ARF4: variants seen among roughly 807,000 people sequenced by gnomAD.
The protein encoded by ARF4 is ARF GTPase 4, also known as ADP-ribosylation factor 4.
A neutral mutation model predicts 24.3 loss-of-function variants in ARF4; 5 were observed. That is an observed-to-expected ratio of 0.21 (90% confidence interval 0.11 to 0.43). The LOEUF (loss-of-function observed/expected upper bound fraction) is 0.43. Ranked by LOEUF, ARF4 falls within the 20% of genes least tolerant of loss-of-function variation. ARF4 has a pLI of 1.00. For synonymous variants in ARF4, 62 were observed against 73.5 expected, an observed-to-expected ratio of 0.84 and a Z score of 0.80; for missense variants, 107 against 213.0, an observed-to-expected ratio of 0.50 and a Z score of 3.10.
At chr3:57,585,578 C>G (rs1418593749) in intron 1 of ARF4, among the ~76,000 whole-genome samples, 1 of 151,934 alleles carries the variant, frequency 6.6e-6, no homozygotes, top group East Asian at 1.9e-4. Context: ...AACAAACCTG[C>G]ACATTGTGCA....
In ARF4 at chr3:57,575,648, G is replaced by A; in HGVS notation, c.356C>T (p.Ala119Val). The A allele has an allele frequency of 6.2e-7, 1 of 1,611,552 alleles. No individual in the cohort carries two copies. The highest frequency in any genetic ancestry group is 8.5e-7 in the Non-Finnish European group (1 of 1,179,204). Residue 119 changes from alanine to valine, a missense_variant, in exon 5 of 6, where the codon GCA becomes GTA. Transcript: ENST00000303436. ...TTTGTTTGCAAAAAGTAGCAGCACT[G>A]CATCTCTCAATTCATCTACCAGAAG... ...KMLLVDELRD[A>V]VLLLFANKQD...
intron 3 of ARF4, among the ~76,000 whole-genome samples, chr3:57,582,204 C>G (rs1393081983): frequency 6.6e-6 from 1 of 151,822 alleles, no homozygotes; most frequent in Non-Finnish European, 1.5e-5. Context: ...TATCAAGTAT[C>G]TTTTCTAGTC....
intron 1 of ARF4, among the ~76,000 whole-genome samples, chr3:57,591,060 G>T (rs922777836): frequency 1.3e-5 from 2 of 152,104 alleles, no homozygotes; most frequent in Admixed American, 6.6e-5. Flanking sequence ...CACAGAAACA[G>T]AAGAACAGAT....
At chr3:57,577,526 T>C (rs538805607) in intron 3 of ARF4, 139 bp from the exon 4 acceptor site, 8 of 651,346 alleles carry the variant, frequency 1.2e-5, no homozygotes, top group Non-Finnish European at 2.1e-5. Context: ...AAGGCTGTAA[T>C]GCTAAAAGCT....
intron 3 of ARF4, among the ~76,000 whole-genome samples, chr3:57,580,910 G>C (rs982097149): frequency 1.3e-5 from 2 of 151,910 alleles, no homozygotes; most frequent in Non-Finnish European, 2.9e-5. Flanking sequence ...ACTGCACCCA[G>C]CCTTTGTTTT....
intron 3 of ARF4, among the ~76,000 whole-genome samples, chr3:57,581,630 G>A (rs1417234698): frequency 6.6e-6 from 1 of 152,110 alleles, no homozygotes; most frequent in Non-Finnish European, 1.5e-5. Flanking sequence ...GTGAAACCCC[G>A]TCTCTACTAA....
chr3:57,583,405 GA>G (rs1227507451), intron 3 of ARF4, among the ~76,000 whole-genome samples: 1 of 152,026 alleles, frequency 6.6e-6, no homozygotes, highest in Non-Finnish European at 1.5e-5. Flanking sequence ...TGTTCTACAG[GA>G]TCACTAAAGT....
At chr3:57,574,894 G>A (rs749144050) in intron 5 of ARF4, among the ~76,000 whole-genome samples, 4 of 148,352 alleles carry the variant, frequency 2.7e-5, no homozygotes, top group Admixed American at 6.7e-5. Flanking sequence ...TGTTGCCCAG[G>A]CTGGAGTGCA....
intron 3 of ARF4, among the ~76,000 whole-genome samples, chr3:57,582,018 C>T (rs1045338653): frequency 4.6e-5 from 7 of 152,130 alleles, no homozygotes; most frequent in African/African-American, 7.2e-5. Context: ...TGGAGTATAT[C>T]GGATTTTGGA....
intron 1 of ARF4, among the ~76,000 whole-genome samples, chr3:57,586,929 G>A (rs975845546): frequency 3.9e-5 from 6 of 151,906 alleles, no homozygotes; most frequent in South Asian, 2.1e-4. Context: ...AAACTGAGAC[G>A]CTGATTAAGA....
intron 1 of ARF4, among the ~76,000 whole-genome samples, chr3:57,585,036 G>T (rs984785606): frequency 6.6e-6 from 1 of 151,980 alleles, no homozygotes; most frequent in Non-Finnish European, 1.5e-5. Flanking sequence ...GCTAATTTTT[G>T]TATTTTTAGT....
intron 5 of ARF4, among the ~76,000 whole-genome samples, chr3:57,573,045 A>C (rs2153408273): frequency 6.6e-6 from 1 of 151,920 alleles, no homozygotes; most frequent in South Asian, 2.1e-4. Context: ...TACTAAAAAT[A>C]CAAAAAATTA....
rs775902550 is a variant in ARF4, at chr3:57,594,128, C to T, written c.67+2946G>A. On this transcript the variant is annotated intron_variant, in intron 1 of 5. Transcript: ENST00000303436. Reference sequence around the variant, plus strand: ...AACATTAGCTGGGCTTGGTGGCGGGCGCTTGTAATCCCAGCTACTGAGGAG... The same window carrying T: ...AACATTAGCTGGGCTTGGTGGCGGGTGCTTGTAATCCCAGCTACTGAGGAG... 2.6e-5 allele frequency among the ~76,000 whole-genome samples: 4 copies of T among 151,854 alleles called. No homozygotes were observed. In the South Asian group the frequency reaches 6.2e-4, roughly 24 times the overall value.
At chr3:57,591,658 G>T (rs909227697) in intron 1 of ARF4, among the ~76,000 whole-genome samples, 7 of 151,936 alleles carry the variant, frequency 4.6e-5, no homozygotes, top group Admixed American at 4.6e-4. Context: ...GTATAGATGG[G>T]GTTTCACTAT....
rs200908200 is a variant in ARF4, at chr3:57,577,308, T to C, written c.330+8A>G. The C allele has an allele frequency of 6.2e-7, 1 of 1,608,748 alleles. No homozygotes were observed. The highest frequency in any genetic ancestry group is 1.7e-5 in the Admixed American group (1 of 59,982). ...TTGAAAATGATGAATTTAAAGTATA[T>C]TTCTTACCATTTTCTGCAGCTCATC... On this transcript the variant is annotated splice_region_variant and intron_variant, in intron 4 of 5. Transcript: ENST00000303436.
chr3:57,584,540 G>T, intron 1 of ARF4, 76 bp from the exon 2 acceptor site: 2 of 1,295,860 alleles, frequency 1.5e-6, no homozygotes, highest in Non-Finnish European at 2.2e-6. Context: ...TAAATTTATA[G>T]TTCAAAACTA....
intron 3 of ARF4, among the ~76,000 whole-genome samples, chr3:57,578,973 TATAAC>T (rs1167106583): frequency 6.6e-6 from 1 of 152,112 alleles, no homozygotes; most frequent in Non-Finnish European, 1.5e-5. Flanking sequence ...TCATGTCACT[TATAAC>T]AGATTGTCTT....
chr3:57,596,875 C>A, intron 1 of ARF4, 199 bp downstream of exon 1: 1 of 588,524 alleles, frequency 1.7e-6, no homozygotes, highest in Middle Eastern at 4.1e-4. Context: ...GTCCCTGTCT[C>A]GTCTGGCGAC....
chr3:57,575,507 C>G (rs765876714), intron 5 of ARF4, 41 bp downstream of exon 5: 1 of 1,574,330 alleles, frequency 6.4e-7, no homozygotes, highest in South Asian at 1.2e-5. Context: ...CCTAGTAAGT[C>G]TTAATAGTCA....
Sources: allele counts gnomAD v4.1 joint callset (sites outside exome capture counted in the v4.1 genomes callset), GRCh38; gene constraint gnomAD v4.1.1; transcripts MANE v1.5; gene names NCBI Gene and HGNC (gene_info 2026-07-23, HGNC 2026-07-21).